The following OPCML variants were observed in gnomAD, a reference collection of about 807,000 sequenced individuals.
OPCML encodes opioid-binding protein/cell adhesion molecule.
Under a neutral mutation model 37.8 loss-of-function variants are expected in OPCML, and 13 were observed. The observed-to-expected ratio is 0.34, with a 90% CI of 0.22 to 0.55. OPCML has a LOEUF of 0.55. OPCML is among the 20% of genes least tolerant of loss of function. OPCML has a pLI of 0.91. For missense variants in OPCML, 341 were observed against 435.6 expected (o/e 0.78, Z 1.93); for synonymous variants, 176 against 168.8 (o/e 1.04, Z -0.33).
intron 1 of OPCML, among the ~76,000 whole-genome samples, chr11:133,448,087 T>C (rs1297677053): frequency 6.6e-6 from 1 of 152,250 alleles, no homozygotes; most frequent in Non-Finnish European, 1.5e-5. Flanking sequence ...ATGCTTTTGG[T>C]ATCATTTCTA....
intron 1 of OPCML, among the ~76,000 whole-genome samples, chr11:133,356,268 TC>T (rs1296152801): frequency 6.6e-6 from 1 of 152,216 alleles, no homozygotes; most frequent in Non-Finnish European, 1.5e-5. Flanking sequence ...AGAACTAACA[TC>T]CGATTATAGG....
intron 2 of OPCML, among the ~76,000 whole-genome samples, chr11:132,663,940 C>G (rs1437870243): frequency 2.0e-5 from 3 of 152,160 alleles, no homozygotes; most frequent in African/African-American, 7.2e-5. Context: ...TCACGCCATT[C>G]TCCCGCCTCA....
intron 1 of OPCML, among the ~76,000 whole-genome samples, chr11:133,355,972 A>C (rs1224056705): frequency 6.6e-6 from 1 of 152,184 alleles, no homozygotes; most frequent in Non-Finnish European, 1.5e-5. Context: ...TAGAGTGGGC[A>C]TTCAGAATAA....
At chr11:132,585,975 T>C (rs569156808) in intron 3 of OPCML, among the ~76,000 whole-genome samples, 1 of 152,288 alleles carries the variant, frequency 6.6e-6, no homozygotes, top group South Asian at 2.1e-4. Context: ...ATTGACATTG[T>C]TACTCAGGAT....
intron 2 of OPCML, among the ~76,000 whole-genome samples, chr11:132,852,577 C>T (rs1363362144): frequency 6.6e-6 from 1 of 151,568 alleles, no homozygotes; most frequent in Admixed American, 6.6e-5. Flanking sequence ...CTGTCGGCAC[C>T]GCGTGCTTCC....
At chr11:132,957,655 T>C (rs1477303993) in intron 1 of OPCML, among the ~76,000 whole-genome samples, 3 of 151,996 alleles carry the variant, frequency 2.0e-5, no homozygotes, top group Non-Finnish European at 4.4e-5. Flanking sequence ...ATCGGCACCA[T>C]TTTTTCCAGC....
intron 3 of OPCML, among the ~76,000 whole-genome samples, chr11:132,591,954 T>C (rs571697434): frequency 2.2e-4 from 34 of 152,166 alleles, no homozygotes; most frequent in Non-Finnish European, 4.0e-4. Context: ...CGTGATATAC[T>C]CAGGTGAAGA....
chr11:133,290,121 C>A (rs1942436019), intron 1 of OPCML, among the ~76,000 whole-genome samples: 1 of 152,170 alleles, frequency 6.6e-6, no homozygotes, highest in Non-Finnish European at 1.5e-5. Flanking sequence ...CTGAATGGGG[C>A]CCTACATGCA....
chr11:132,508,689 G>A (rs58357569), intron 4 of OPCML, among the ~76,000 whole-genome samples: 5,311 of 152,190 alleles, frequency 0.035, 302 homozygotes, highest in African/African-American at 0.11. Flanking sequence ...AGGGGTTTCC[G>A]CTTTTGCTTT....
intron 1 of OPCML, among the ~76,000 whole-genome samples, chr11:133,396,132 T>C (rs923894136): frequency 7.3e-5 from 11 of 151,668 alleles, no homozygotes; most frequent in Non-Finnish European, 1.5e-4. Flanking sequence ...TTAATTTTAT[T>C]TGTGGCTACT....
At chr11:132,472,460 G>T (rs2096141000) in intron 4 of OPCML, among the ~76,000 whole-genome samples, 2 of 152,330 alleles carry the variant, frequency 1.3e-5, no homozygotes, top group Admixed American at 1.3e-4. Flanking sequence ...GTTCTGTAAT[G>T]AAGTCTTCTT....
rs1591640569 is a variant in OPCML at position 132,810,395 on chromosome 11, G to A, written c.146+132531C>T. Among the ~76,000 whole-genome samples, 6 of 152,260 alleles carry A rather than the reference G, an allele frequency of 3.9e-5. 1 individual carries two copies. Among genetic ancestry groups the A allele is most frequent in the Admixed American group, 3.9e-4 (6 of 15,300 alleles). The stretch of plus-strand genomic sequence containing the variant: ...GATGGAAACTTCCAAGCACCAGCAT[G>A]TCTAGACTCAGATCAGAAGCAAATA... On this transcript the variant is annotated intron_variant, in intron 2 of 7. Transcript: ENST00000524381.
chr11:132,480,018 A>C (rs1461567307), intron 4 of OPCML, among the ~76,000 whole-genome samples: 2 of 152,334 alleles, frequency 1.3e-5, no homozygotes, highest in African/African-American at 2.4e-5. Context: ...AGCTGGACGG[A>C]GAATGACTTT....
intron 2 of OPCML, among the ~76,000 whole-genome samples, chr11:132,794,723 A>G (rs1178862315): frequency 6.6e-6 from 1 of 152,190 alleles, no homozygotes; most frequent in East Asian, 1.9e-4. Context: ...ATACCCATAC[A>G]AAGATGTGAC....
intron 2 of OPCML, among the ~76,000 whole-genome samples, chr11:132,720,812 CATA>C (rs1440150372): frequency 5.3e-5 from 8 of 152,140 alleles, no homozygotes; most frequent in Admixed American, 2.6e-4. Context: ...CTTAAAATCA[CATA>C]ATAATATTAT....
intron 3 of OPCML, among the ~76,000 whole-genome samples, chr11:132,549,672 G>C (rs111392164): frequency 6.6e-5 from 10 of 152,202 alleles, no homozygotes; most frequent in Non-Finnish European, 1.5e-4. Context: ...GCTTGCACGC[G>C]TGAATGCGGC....
intron 4 of OPCML, among the ~76,000 whole-genome samples, chr11:132,509,966 C>T (rs1394779065): frequency 1.3e-5 from 2 of 152,152 alleles, no homozygotes; most frequent in African/African-American, 4.8e-5. Context: ...GGAAAAACCA[C>T]AGATACTCAA....
intron 2 of OPCML, among the ~76,000 whole-genome samples, chr11:132,713,989 T>A (rs1944370939): frequency 6.6e-6 from 1 of 152,202 alleles, no homozygotes; most frequent in African/African-American, 2.4e-5. Context: ...TAATAGAGGA[T>A]GGGCTAATTA....
chr11:132,672,610 C>T (rs754090912), intron 2 of OPCML, among the ~76,000 whole-genome samples: 7 of 152,114 alleles, frequency 4.6e-5, no homozygotes, highest in Non-Finnish European at 8.8e-5. Context: ...TTGAAGCAAC[C>T]GGAAAATCTC....
Sources: allele counts gnomAD v4.1 joint callset (sites outside exome capture counted in the v4.1 genomes callset), GRCh38; gene constraint gnomAD v4.1.1; transcripts MANE v1.5; gene names NCBI Gene and HGNC (gene_info 2026-07-23, HGNC 2026-07-21).